NR3C2: variants seen among roughly 807,000 people sequenced by gnomAD.
NR3C2 encodes mineralocorticoid receptor.
A neutral mutation model predicts 86.4 loss-of-function variants in NR3C2; 15 were observed. The ratio of observed to expected loss-of-function variants is 0.17; its 90% CI spans 0.12 to 0.27. The LOEUF (loss-of-function observed/expected upper bound fraction) is 0.27, where lower values mean the gene tolerates loss of function less well. Among genes scored for constraint, NR3C2 ranks in the 10% least tolerant of loss-of-function variants. The probability of loss-of-function intolerance (pLI) is 1.00; values close to 1 mark genes in which losing one functional copy is unlikely to be tolerated. For missense variants in NR3C2, 960 were observed against 1,195.6 expected (o/e 0.80, Z 2.91); for synonymous variants, 458 against 450.5 (o/e 1.02, Z -0.21).
chr4:148,249,973 G>C lies in NR3C2; in HGVS notation c.1897+10005C>G, dbSNP rs114872102. Among the ~76,000 whole-genome samples, 483 of 152,332 alleles carry C rather than the reference G, an allele frequency of 3.2e-3. 6 individuals carry two copies. The highest frequency in any genetic ancestry group is 0.011 in the African/African-American group (442 of 41,576). On this transcript the variant is annotated intron_variant, in intron 3 of 8. Coordinates refer to ENST00000358102, the MANE Select transcript of NR3C2 (RefSeq NM_000901.5). ...AGAGGGAGAGAGACAATGTGAGCAT[G>C]TGCAAAGGTAATTTTACGATAATTT...
chr4:148,338,999 G>A (rs1744625431), intron 2 of NR3C2, among the ~76,000 whole-genome samples: 1 of 152,076 alleles, frequency 6.6e-6, no homozygotes, highest in South Asian at 2.1e-4. Flanking sequence ...CCTTTCACTT[G>A]TGACTGAAAA....
In NR3C2 at chr4:148,079,043, A is replaced by C. The variant is rs1170898597; in HGVS notation, c.*2301T>G. The C allele has an allele frequency of 6.6e-6, 1 of 152,658 alleles. No individual in the cohort carries two copies. Among genetic ancestry groups the C allele is most frequent in the Admixed American group, 6.5e-5 (1 of 15,280 alleles). 9.5% of individuals were successfully genotyped at this position (152,658 alleles called of 1,614,324 possible). On this transcript the variant is annotated 3_prime_UTR_variant, in exon 9 of 9. Coordinates refer to ENST00000358102, the MANE Select transcript of NR3C2 (RefSeq NM_000901.5). ...TAATCAAGCAAAGTTACCTGGAGAC[A>C]CACAAAGAGCCAGTAACTTTGTTAA... is the stretch of plus-strand genomic sequence containing the variant.
rs538192752 is a variant in NR3C2 at position 148,270,062 on chromosome 4, G to C, written c.1758-9945C>G. 7.0e-5 allele frequency among the ~76,000 whole-genome samples: 10 copies of C among 143,340 alleles called. No individual in the cohort carries two copies. In the East Asian group the frequency reaches 2.1e-3, roughly 30 times the overall value. The allele number at this position is 143,340 out of a possible 152,430, so 94.0% of individuals were successfully genotyped here. On this transcript the variant is annotated intron_variant, in intron 2 of 8. Transcript: ENST00000358102. ...AATCTTGAACACAAGTTATTTAGAG[G>C]TTACTGATTTCAGCATTTTTTTTTT...
intron 4 of NR3C2, among the ~76,000 whole-genome samples, chr4:148,194,284 C>T (rs1560971224): frequency 6.6e-6 from 1 of 152,132 alleles, no homozygotes. Context: ...TTTACCCTCT[C>T]CTCCTCTTTT....
At chr4:148,392,462 G>A (rs559798554) in intron 2 of NR3C2, among the ~76,000 whole-genome samples, 16 of 152,268 alleles carry the variant, frequency 1.1e-4, no homozygotes, top group African/African-American at 3.6e-4. Flanking sequence ...GCAGTGATTC[G>A]GAACTCTCTC....
intron 4 of NR3C2, among the ~76,000 whole-genome samples, chr4:148,167,327 T>C (rs1179282881): frequency 6.6e-6 from 1 of 152,202 alleles, no homozygotes; most frequent in Admixed American, 6.5e-5. Flanking sequence ...TGGTTCTAAG[T>C]CATGTACTAT....
chr4:148,351,294 AGCTGCCAT>A (rs1354136496), intron 2 of NR3C2, among the ~76,000 whole-genome samples: 1 of 152,000 alleles, frequency 6.6e-6, no homozygotes. Flanking sequence ...TACAGGCGCA[AGCTGCCAT>A]GCCCTAATTT....
intron 2 of NR3C2, among the ~76,000 whole-genome samples, chr4:148,353,261 CT>C (rs1282281599): frequency 2.0e-5 from 3 of 151,940 alleles, no homozygotes; most frequent in Non-Finnish European, 4.4e-5. Flanking sequence ...TTCAAAAACC[CT>C]GATAAAATAA....
intron 1 of NR3C2, among the ~76,000 whole-genome samples, chr4:148,437,261 A>T (rs72645692): frequency 6.9e-4 from 105 of 152,214 alleles, no homozygotes; most frequent in Non-Finnish European, 1.4e-3. Context: ...AGTCAAAGAC[A>T]TGGTGACAAA....
intron 2 of NR3C2, among the ~76,000 whole-genome samples, chr4:148,291,055 A>G (rs1351675941): frequency 2.0e-5 from 3 of 152,126 alleles, no homozygotes; most frequent in African/African-American, 7.2e-5. Flanking sequence ...GTGAATTAGT[A>G]TTCTTATTGC....
intron 2 of NR3C2, among the ~76,000 whole-genome samples, chr4:148,268,180 C>A (rs1740496284): frequency 6.6e-6 from 1 of 152,140 alleles, no homozygotes; most frequent in South Asian, 2.1e-4. Context: ...ACCTTGTGAT[C>A]CACCTGCCTT....
At chr4:148,365,536 C>A (rs1746068359) in intron 2 of NR3C2, among the ~76,000 whole-genome samples, 1 of 152,004 alleles carries the variant, frequency 6.6e-6, no homozygotes, top group African/African-American at 2.4e-5. Flanking sequence ...AGTATCATAA[C>A]TAGATTACTG....
chr4:148,096,548 G>A (rs1258793408), intron 8 of NR3C2, among the ~76,000 whole-genome samples: 1 of 152,182 alleles, frequency 6.6e-6, no homozygotes, highest in Non-Finnish European at 1.5e-5. Flanking sequence ...GGTGTCTCAA[G>A]GCAATAGATA....
At position 148,366,435 on chromosome 4, in the gene NR3C2, CT is replaced by C. The variant is rs1241630632; in HGVS notation, c.1757+68668del. 1.2e-4 allele frequency among the ~76,000 whole-genome samples: 12 copies of C among 99,308 alleles called. 2 individuals carry two copies. The highest frequency in any genetic ancestry group is 3.8e-4 in the African/African-American group (11 of 29,240). The allele number at this position is 99,308 out of a possible 152,430, so 65.1% of individuals were successfully genotyped here. On this transcript the variant is annotated intron_variant, in intron 2 of 8. Coordinates refer to ENST00000358102, the MANE Select transcript of NR3C2 (RefSeq NM_000901.5). Reference sequence around the variant, plus strand: ...CAAATTCACTCCTTGAAAAAGAATACTTTTTTAAAAGTACTTTTAAAAAAGA... The same window carrying C: ...CAAATTCACTCCTTGAAAAAGAATACTTTTTAAAAGTACTTTTAAAAAAGA...
intron 4 of NR3C2, among the ~76,000 whole-genome samples, chr4:148,165,003 G>C (rs1314124308): frequency 6.6e-6 from 1 of 152,092 alleles, no homozygotes; most frequent in Non-Finnish European, 1.5e-5. Flanking sequence ...AACTCAAGCA[G>C]GGTCCACATC....
chr4:148,138,347 C>T lies in NR3C2; in HGVS notation c.2510+14122G>A, dbSNP rs1314465473. Among the ~76,000 whole-genome samples, 9 of 152,134 alleles carry T rather than the reference C, an allele frequency of 5.9e-5. No homozygotes were observed. In the South Asian group the frequency reaches 1.9e-3, roughly 32 times the overall value. ...CAGTTTTTCTAAGAACACTTTATTTCCCATTTGTGTTGTTCATATATTGGG... is the reference window on the plus strand; with the variant it reads ...CAGTTTTTCTAAGAACACTTTATTTTCCATTTGTGTTGTTCATATATTGGG... On this transcript the variant is annotated intron_variant, in intron 6 of 8. Coordinates refer to ENST00000358102, the MANE Select transcript of NR3C2 (RefSeq NM_000901.5).
At chr4:148,406,750 C>CT (rs1411133841) in intron 2 of NR3C2, among the ~76,000 whole-genome samples, 5 of 152,082 alleles carry the variant, frequency 3.3e-5, no homozygotes. Flanking sequence ...ATACTAAACT[C>CT]TAAGAATGTT....
intron 2 of NR3C2, among the ~76,000 whole-genome samples, chr4:148,361,724 C>T (rs1487059712): frequency 6.6e-6 from 1 of 152,212 alleles, no homozygotes; most frequent in Admixed American, 6.5e-5. Context: ...CTTCTCCTTC[C>T]ATTCTTACAA....
chr4:148,117,912 C>T (rs1279374526), intron 7 of NR3C2, among the ~76,000 whole-genome samples: 1 of 152,242 alleles, frequency 6.6e-6, no homozygotes, highest in Non-Finnish European at 1.5e-5. Context: ...CAGGTTGTCA[C>T]TAGGCACTCT....
Sources: gnomAD v4.1 joint callset for allele counts (sites outside exome capture counted in the v4.1 genomes callset) on GRCh38, gnomAD v4.1.1 for gene constraint, MANE v1.5 for transcripts, NCBI Gene and HGNC (gene_info 2026-07-23, HGNC 2026-07-21) for gene names.